Variants in SAMD12 observed in about 807,000 individuals in gnomAD.
The protein encoded by SAMD12 is sterile alpha motif domain containing 12.
A neutral mutation model predicts 15.0 loss-of-function variants in SAMD12; 9 were observed. The ratio of observed to expected loss-of-function variants is 0.60; its 90% confidence interval spans 0.36 to 1.05. The LOEUF is 1.05. SAMD12 is among the 50% of genes least tolerant of loss of function. The probability of loss-of-function intolerance (pLI) is 0.01; values close to 1 mark genes in which losing one functional copy is unlikely to be tolerated. For synonymous variants in SAMD12, 86 were observed against 90.1 expected (o/e 0.96, Z 0.25); for missense variants, 230 against 234.2 (o/e 0.98, Z 0.12).
At chr8:118,393,230 C>T (rs78228733) in intron 3 of SAMD12, among the ~76,000 whole-genome samples, 2 of 151,494 alleles carry the variant, frequency 1.3e-5, no homozygotes, top group African/African-American at 2.4e-5. Flanking sequence ...TTTCTCTTTT[C>T]GAGAGAAGGT....
intron 2 of SAMD12, among the ~76,000 whole-genome samples, chr8:118,506,072 C>T (rs1473517075): frequency 6.6e-6 from 1 of 152,134 alleles, no homozygotes; most frequent in Non-Finnish European, 1.5e-5. Context: ...CCTGCAGTCA[C>T]ATTCATTGTC....
chr8:118,318,805 A>G (rs1816080763), intron 4 of SAMD12, among the ~76,000 whole-genome samples: 1 of 152,078 alleles, frequency 6.6e-6, no homozygotes, highest in African/African-American at 2.4e-5. Flanking sequence ...GCTTCAAGGG[A>G]CCCTCAAACA....
intron 3 of SAMD12, among the ~76,000 whole-genome samples, chr8:118,387,511 G>A (rs1820029827): frequency 6.6e-6 from 1 of 152,034 alleles, no homozygotes; most frequent in South Asian, 2.1e-4. Flanking sequence ...CTATGGTGCA[G>A]TTACTCTGTT....
intron 3 of SAMD12, among the ~76,000 whole-genome samples, chr8:118,425,775 T>G (rs918966737): frequency 6.6e-6 from 1 of 152,204 alleles, no homozygotes; most frequent in Non-Finnish European, 1.5e-5. Flanking sequence ...TCAAGTCCTT[T>G]GCTATAAAGG....
At chr8:118,441,455 G>GTT (rs5894431) in intron 2 of SAMD12, among the ~76,000 whole-genome samples, 1,944 of 149,282 alleles carry the variant, frequency 0.013, 18 homozygotes, top group Non-Finnish European at 0.021. Flanking sequence ...ATGCTCAGGT[G>GTT]TTTTTTTTTT....
chr8:118,416,444 TAG>T (rs540407324), intron 3 of SAMD12, among the ~76,000 whole-genome samples: 81 of 152,330 alleles, frequency 5.3e-4, no homozygotes, highest in Non-Finnish European at 1.0e-3. Context: ...TAACATGCCC[TAG>T]AGAGTCAGGT....
At position 118,505,896 on chromosome 8, in the gene SAMD12, A is replaced by G. The variant is rs149131579; in HGVS notation, c.193-65935T>C. 2.4e-3 allele frequency among the ~76,000 whole-genome samples: 363 copies of G among 152,222 alleles called. 5 individuals are homozygous for G. The highest frequency in any genetic ancestry group is 8.3e-3 in the African/African-American group (346 of 41,540). ...TGCCTCCCATTTTCTAGTTGCTAAA[A>G]TATCTTCCTCAGGCCCCAGAACAGA... On this transcript the variant is annotated intron_variant, in intron 2 of 3. Transcript: ENST00000314727.
the SAMD12 span, among the ~76,000 whole-genome samples, chr8:118,170,704 T>C: frequency 2.2e-4 from 33 of 152,264 alleles, no homozygotes; most frequent in African/African-American, 7.5e-4. Flanking sequence ...GATGTAGATG[T>C]AGAAGATAAA....
chr8:118,593,245 A>G (rs1042649367), intron 1 of SAMD12, among the ~76,000 whole-genome samples: 1 of 152,226 alleles, frequency 6.6e-6, no homozygotes, highest in Admixed American at 6.5e-5. Flanking sequence ...ATTGAGAATT[A>G]ACACTTTAAA....
the SAMD12 span, among the ~76,000 whole-genome samples, chr8:118,172,537 C>T: frequency 6.6e-6 from 1 of 152,188 alleles, no homozygotes; most frequent in Non-Finnish European, 1.5e-5. Flanking sequence ...TGAGTTGAAC[C>T]TTGGCCAAAA....
chr8:118,448,673 A>G (rs997038300), intron 2 of SAMD12, among the ~76,000 whole-genome samples: 3 of 152,216 alleles, frequency 2.0e-5, no homozygotes, highest in East Asian at 3.8e-4. Flanking sequence ...GTCTAGCACT[A>G]TAATTCTTAG....
At chr8:118,586,216 C>T (rs950915549) in intron 1 of SAMD12, among the ~76,000 whole-genome samples, 2 of 152,150 alleles carry the variant, frequency 1.3e-5, no homozygotes, top group Non-Finnish European at 2.9e-5. Flanking sequence ...CTCTTCCTTT[C>T]CCTTATTTGC....
At chr8:118,534,626 GA>G (rs1825788117) in intron 2 of SAMD12, among the ~76,000 whole-genome samples, 3 of 152,082 alleles carry the variant, frequency 2.0e-5, no homozygotes, top group South Asian at 4.2e-4. Context: ...ATATTTCTTG[GA>G]GGCTTTGTTC....
In SAMD12 at chr8:118,513,927, T is replaced by C. The variant is rs1298251932; in HGVS notation, c.192+66788A>G. ...GCCATCACTATTCCATCCCAGCCTA[T>C]TATTTCTTTGTGGGAATTCAGGTCA... On this transcript the variant is annotated intron_variant, in intron 2 of 3. Coordinates refer to ENST00000314727, the MANE Select transcript of SAMD12 (RefSeq NM_207506.3). Among the ~76,000 whole-genome samples, 4 of 152,230 alleles carry C rather than the reference T, an allele frequency of 2.6e-5. No homozygotes were observed. In the South Asian group the frequency reaches 8.3e-4, roughly 32 times the overall value.
chr8:118,564,767 C>G (rs938266407), intron 2 of SAMD12, among the ~76,000 whole-genome samples: 1 of 152,180 alleles, frequency 6.6e-6, no homozygotes, highest in African/African-American at 2.4e-5. Context: ...CCCTTGAAAT[C>G]TAGGGACACT....
intron 4 of SAMD12, among the ~76,000 whole-genome samples, chr8:118,241,128 C>A (rs1364759928): frequency 6.6e-6 from 1 of 152,130 alleles, no homozygotes; most frequent in Non-Finnish European, 1.5e-5. Flanking sequence ...ATGGTCTGCA[C>A]CGAGGTCAAA....
downstream of SAMD12, among the ~76,000 whole-genome samples, chr8:118,375,382 C>T (rs1450315893): frequency 1.3e-5 from 2 of 152,138 alleles, no homozygotes; most frequent in African/African-American, 4.8e-5. Context: ...GGTTGCACCA[C>T]TCTCTTTACA....
intron 2 of SAMD12, among the ~76,000 whole-genome samples, chr8:118,569,073 C>T (rs1826933892): frequency 6.6e-6 from 1 of 152,190 alleles, no homozygotes; most frequent in African/African-American, 2.4e-5. Flanking sequence ...AGTGATTTAA[C>T]ACTCAGCCAT....
At chr8:118,197,827 C>T in intron 4 of SAMD12, 1 of 1,031,734 alleles carries the variant, frequency 9.7e-7, no homozygotes, top group Non-Finnish European at 1.5e-6. Flanking sequence ...CAAACCCTAA[C>T]ACCCTTAGGC....
Sources: gnomAD v4.1 joint callset for allele counts (sites outside exome capture counted in the v4.1 genomes callset) on GRCh38, gnomAD v4.1.1 for gene constraint, MANE v1.5 for transcripts, NCBI Gene and HGNC (gene_info 2026-07-23, HGNC 2026-07-21) for gene names.